POMZP3: variants seen among roughly 807,000 people sequenced by gnomAD.
POMZP3 encodes POM121 and ZP3 fusion protein.
In POMZP3, 10 loss-of-function variants were observed where a neutral mutation model predicts 19.8. The observed-to-expected ratio is 0.51, with a 90% CI of 0.31 to 0.86. The LOEUF is 0.86. POMZP3 is among the 40% of genes least tolerant of loss of function. POMZP3 has a pLI of 0.04. For synonymous variants in POMZP3, 57 were observed against 85.8 expected (o/e 0.66, Z 1.85); for missense variants, 152 against 228.1 (o/e 0.67, Z 2.15).
chr7:76,615,988 AAGG>A lies in POMZP3; in HGVS notation c.345+2192_345+2194del, dbSNP rs1344069358. Among the ~76,000 whole-genome samples, 3 of 55,650 alleles carry A rather than the reference AAGG, an allele frequency of 5.4e-5. 1 individual carries two copies. The highest frequency in any genetic ancestry group is 1.9e-4 in the African/African-American group (2 of 10,456). 36.5% of individuals were successfully genotyped at this position (55,650 alleles called of 152,430 possible). On this transcript the variant is annotated intron_variant, in intron 4 of 6. Transcript: ENST00000310842. ...GAGACCCTCTCAAAAAAAAAAAAAA[AAGG>A]GGGGGGGGGCAGGTGGCACGTGGTG... is the stretch of plus-strand genomic sequence containing the variant.
intron 3 of POMZP3, among the ~76,000 whole-genome samples, chr7:76,619,609 C>G (rs1815440846): frequency 6.7e-6 from 1 of 148,632 alleles, no homozygotes; most frequent in Middle Eastern, 3.2e-3. Flanking sequence ...TTTTTTGGAA[C>G]TCCTCAAAGG....
At chr7:76,620,975 T>G (rs62475940) in intron 3 of POMZP3, 26,013 of 147,512 alleles carry the variant, frequency 0.18, 2,503 homozygotes, top group South Asian at 0.26. Flanking sequence ...TTTAAGTGAT[T>G]CTCCTGCCTC....
chr7:76,611,926 C>T lies in POMZP3; in HGVS notation c.346-113G>A, dbSNP rs868310563. On this transcript the variant is annotated intron_variant, in intron 4 of 6. Transcript: ENST00000310842. ...TTAAAGAGTGAGAAGGGGCCGGGTG[C>T]GATGGCACACACCTATAATCCCAGC... The T allele has an allele frequency of 5.3e-5, 82 of 1,535,744 alleles. No homozygotes were observed. In the Middle Eastern group the frequency reaches 1.2e-3, roughly 22 times the overall value.
chr7:76,618,507 C>G, intron 3 of POMZP3: 2 of 686,496 alleles, frequency 2.9e-6, no homozygotes, highest in Non-Finnish European at 4.7e-6. Flanking sequence ...CTGTAATCCA[C>G]CTACTCGGGA....
At chr7:76,611,288 C>T (rs1175963283) in intron 6 of POMZP3, among the ~76,000 whole-genome samples, 166 bp downstream of exon 6, 2 of 151,936 alleles carry the variant, frequency 1.3e-5, no homozygotes, top group East Asian at 1.9e-4. Context: ...CTGAGAGCCC[C>T]CTCCTGCTTA....
At position 76,615,129 on chromosome 7, in the gene POMZP3, T is replaced by TA. The variant is rs1223420064; in HGVS notation, c.345+3053_345+3054insT. On this transcript the variant is annotated intron_variant, in intron 4 of 6. Coordinates refer to ENST00000310842, the MANE Select transcript of POMZP3 (RefSeq NM_012230.5). ...CTCCAAGGGCTCAGACTATCTTCCA[T>TA]TAAACAGCACTGTTCTCTGGTCTTA... Among the ~76,000 whole-genome samples, 6 of 107,308 alleles carry TA rather than the reference T, an allele frequency of 5.6e-5. 1 individual carries two copies. The highest frequency in any genetic ancestry group is 1.2e-4 in the Non-Finnish European group (6 of 49,166). 70.4% of individuals were successfully genotyped at this position (107,308 alleles called of 152,430 possible).
chr7:76,614,404 C>G (rs1815215498), intron 4 of POMZP3, among the ~76,000 whole-genome samples: 1 of 79,042 alleles, frequency 1.3e-5, no homozygotes. Flanking sequence ...AAAAAAAATA[C>G]AGAAATTAGC....
At position 76,617,189 on chromosome 7, in the gene POMZP3, A is replaced by G. The variant is rs1815318012; in HGVS notation, c.345+994T>C. ...CACCGTGTTAACCAGGATGGTCTCAATCTCCTGACCTCGTGATCTGCCCGC... is the reference window on the plus strand; with the variant it reads ...CACCGTGTTAACCAGGATGGTCTCAGTCTCCTGACCTCGTGATCTGCCCGC... On this transcript the variant is annotated intron_variant, in intron 4 of 6. Coordinates refer to ENST00000310842, the MANE Select transcript of POMZP3 (RefSeq NM_012230.5). Among the ~76,000 whole-genome samples, 2 of 85,998 alleles carry G rather than the reference A, an allele frequency of 2.3e-5. 1 individual carries two copies. The highest frequency in any genetic ancestry group is 4.8e-5 in the Non-Finnish European group (2 of 41,906). The allele number at this position is 85,998 out of a possible 152,430, so 56.4% of individuals were successfully genotyped here. A position where few individuals can be genotyped will look rare whatever the true frequency, so the allele number is the denominator to read the frequency against.
At chr7:76,624,869 A>C (rs1037611700) in intron 3 of POMZP3, among the ~76,000 whole-genome samples, 4 of 151,682 alleles carry the variant, frequency 2.6e-5, no homozygotes, top group African/African-American at 9.7e-5. Flanking sequence ...GCCGTGGCTC[A>C]AGCCTGTAAT....
intron 1 of POMZP3, 84 bp downstream of exon 1, chr7:76,626,624 A>T: frequency 7.9e-7 from 1 of 1,272,274 alleles, no homozygotes; most frequent in Non-Finnish European, 1.0e-6. Flanking sequence ...TTCGGATTTG[A>T]TGAAAAAGCA....
chr7:76,621,869 G>C (rs1815577488), intron 3 of POMZP3, among the ~76,000 whole-genome samples: 2 of 142,678 alleles, frequency 1.4e-5, no homozygotes, highest in African/African-American at 5.2e-5. Flanking sequence ...GAACCCGGGA[G>C]GCGGAGCTTG....
In POMZP3 at chr7:76,611,481, G is replaced by C. The variant is rs115806492; in HGVS notation, c.548C>G (p.Thr183Arg). The change falls in exon 6 of 7, where the codon ACG becomes AGG. Residue 183 changes from threonine to arginine, a missense_variant. Around this residue, in one of 4 missense-constraint regions of POMZP3, gnomAD observed 65 missense variants for 86.2 expected, o/e 0.75. Transcript: ENST00000310842. ...TGCCTGCGGTTACAGGGAAGCAGAC[G>C]TGGACCACTGGCTCACGACACGAGG... Reference protein sequence around the residue: ...RQPRVVSQWSTSASL With the variant: ...RQPRVVSQWSRSASL 3.5e-3 allele frequency: 5,550 copies of C among 1,599,344 alleles called. 285 individuals carry two copies. In the African/African-American group the frequency reaches 0.065, roughly 19 times the overall value.
At chr7:76,621,881 A>C (rs1304712968) in intron 3 of POMZP3, among the ~76,000 whole-genome samples, 1 of 133,036 alleles carries the variant, frequency 7.5e-6, no homozygotes, top group East Asian at 2.2e-4. Context: ...CGGAGCTTGC[A>C]GTGAGCCGAG....
chr7:76,624,008 A>T (rs1446392325), intron 3 of POMZP3, among the ~76,000 whole-genome samples: 13 of 144,510 alleles, frequency 9.0e-5, no homozygotes, highest in Admixed American at 7.1e-4. Context: ...CGTGAAAAAA[A>T]GTTATGAGGA....
At chr7:76,618,841 AC>A (rs1815392518) in intron 3 of POMZP3, among the ~76,000 whole-genome samples, 1 of 151,672 alleles carries the variant, frequency 6.6e-6, no homozygotes, top group African/African-American at 2.4e-5. Flanking sequence ...AGGCTGGAGT[AC>A]AGTGGCGTGA....
Position 76,611,463 on chromosome 7 carries a change from G to A in POMZP3, c.*2C>T, listed in dbSNP as rs377228819. On this transcript the variant is annotated 3_prime_UTR_variant, in exon 6 of 7. Transcript: ENST00000310842. ...CCATTCTATGACATACCATGCCTGC[G>A]GTTACAGGGAAGCAGACGTGGACCA... 7 of 1,551,490 alleles carry A rather than the reference G, an allele frequency of 4.5e-6. No homozygotes were observed. Among genetic ancestry groups the A allele is most frequent in the East Asian group, 2.3e-5 (1 of 43,780 alleles).
rs1052385537 is a variant in POMZP3 at position 76,611,732 on chromosome 7, G to C, written c.427C>G (p.Pro143Ala). ...AGCACCTGTCCTCACCTGTTGGAAG[G>C]CTTGCTGAAGGAACAGGCCTTGTTG... ...ELNKACSFSK[P>A]SNSWFPVEGL... The change falls in exon 5 of 7, where the codon CCT becomes GCT. Residue 143 changes from proline (P) to alanine (A), a missense_variant. Pro to Ala is a conservative substitution (Grantham distance 27). Coordinates refer to ENST00000310842, the MANE Select transcript of POMZP3 (RefSeq NM_012230.5). 7 of 1,504,792 alleles carry C rather than the reference G, an allele frequency of 4.7e-6. No homozygotes were observed. The highest frequency in any genetic ancestry group is 2.2e-5 in the East Asian group (1 of 44,778). The allele number at this position is 1,504,792 out of a possible 1,614,324, so 93.2% of individuals were successfully genotyped here. A position where few individuals can be genotyped will look rare whatever the true frequency, so the allele number is the denominator to read the frequency against.
intron 3 of POMZP3, among the ~76,000 whole-genome samples, chr7:76,619,381 C>G (rs577281781): frequency 7.7e-6 from 1 of 129,460 alleles, no homozygotes; most frequent in African/African-American, 3.2e-5. Context: ...GAGTGAGACT[C>G]TGTCTTTAAA....
chr7:76,625,201 GACCA>G (rs1209262933), intron 3 of POMZP3, among the ~76,000 whole-genome samples: 1 of 145,652 alleles, frequency 6.9e-6, no homozygotes, highest in Non-Finnish European at 1.5e-5. Flanking sequence ...ACAAAATTCC[GACCA>G]GAAGACTTAG....
Sources: gnomAD v4.1 joint callset for allele counts (sites outside exome capture counted in the v4.1 genomes callset) on GRCh38, gnomAD v4.1.1 for gene constraint, gnomAD v4.1.1 regional missense constraint, MANE v1.5 for transcripts, NCBI Gene and HGNC (gene_info 2026-07-23, HGNC 2026-07-21) for gene names.